DAG1: variants seen among roughly 807,000 people sequenced by gnomAD.
DAG1 encodes the protein dystroglycan 1.
A neutral mutation model predicts 46.1 loss-of-function variants in DAG1; 8 were observed. The ratio of observed to expected loss-of-function variants is 0.17; its 90% CI spans 0.10 to 0.31. The LOEUF (loss-of-function observed/expected upper bound fraction) is 0.31, where lower values mean the gene tolerates loss of function less well. DAG1 is among the 10% of genes least tolerant of loss of function. The pLI is 1.00. For missense variants in DAG1, 1,003 were observed against 1,189.9 expected (o/e 0.84, Z 2.31); for synonymous variants, 495 against 481.8 (o/e 1.03, Z -0.36).
rs2107967958 is a variant in DAG1 at position 49,534,064 on chromosome 3, CAGT to C, written c.*866_*868del. 1 of 152,636 alleles carries C rather than the reference CAGT, an allele frequency of 6.6e-6. No homozygotes were observed. Among genetic ancestry groups the C allele is most frequent in the Admixed American group, 6.5e-5 (1 of 15,314 alleles). The allele number at this position is 152,636 out of a possible 1,614,324, so 9.5% of individuals were successfully genotyped here. ...TCCATGAAAAAGGGACTCCAAGAGG[CAGT>C]GGTGGCTGTGGCCCCCAACTTTGGT... On this transcript the variant is annotated 3_prime_UTR_variant, in exon 3 of 3. Coordinates refer to ENST00000308775, the MANE Select transcript of DAG1 (RefSeq NM_004393.6).
chr3:49,487,879 T>C (rs2050080251), intron 1 of DAG1, among the ~76,000 whole-genome samples: 1 of 151,766 alleles, frequency 6.6e-6, no homozygotes, highest in Non-Finnish European at 1.5e-5. Context: ...ATTTTTTGTG[T>C]TTTTCATAGA....
At chr3:49,500,821 T>C (rs763837631) in intron 1 of DAG1, among the ~76,000 whole-genome samples, 4 of 152,146 alleles carry the variant, frequency 2.6e-5, no homozygotes, top group Admixed American at 6.5e-5. Flanking sequence ...GACTGAGTAT[T>C]TACCTCTGTT....
intron 1 of DAG1, among the ~76,000 whole-genome samples, chr3:49,508,009 C>G (rs899316204): frequency 6.6e-6 from 1 of 151,836 alleles, no homozygotes; most frequent in African/African-American, 2.4e-5. Context: ...GTGATATCTC[C>G]TGCTTCATTG....
chr3:49,476,274 G>A (rs2049680611), intron 1 of DAG1, among the ~76,000 whole-genome samples: 1 of 152,134 alleles, frequency 6.6e-6, no homozygotes, highest in Non-Finnish European at 1.5e-5. Flanking sequence ...TATCTTGCTT[G>A]TCATGAGATA....
At chr3:49,494,241 G>A (rs1468391787) in intron 1 of DAG1, among the ~76,000 whole-genome samples, 1 of 152,154 alleles carries the variant, frequency 6.6e-6, no homozygotes, top group Non-Finnish European at 1.5e-5. Flanking sequence ...AAACACTGAA[G>A]ATTGAAGCAT....
chr3:49,503,995 T>C (rs1209060106), intron 1 of DAG1, among the ~76,000 whole-genome samples: 3 of 152,188 alleles, frequency 2.0e-5, no homozygotes, highest in South Asian at 2.1e-4. Context: ...AGTTACCCAG[T>C]TCCCCCCATG....
intron 1 of DAG1, among the ~76,000 whole-genome samples, chr3:49,482,270 G>A (rs974242562): frequency 6.6e-6 from 1 of 152,160 alleles, no homozygotes; most frequent in Non-Finnish European, 1.5e-5. Flanking sequence ...GTGATAGTCT[G>A]AAATATAGCC....
At chr3:49,474,664 G>T (rs931750052) in intron 1 of DAG1, among the ~76,000 whole-genome samples, 2 of 151,964 alleles carry the variant, frequency 1.3e-5, no homozygotes, top group Non-Finnish European at 2.9e-5. Flanking sequence ...TGTATTTTTT[G>T]TAGAGGTGGG....
intron 2 of DAG1, among the ~76,000 whole-genome samples, chr3:49,523,216 A>C (rs529444491): frequency 6.6e-6 from 1 of 152,176 alleles, no homozygotes; most frequent in Non-Finnish European, 1.5e-5. Flanking sequence ...TCAAAATCCC[A>C]TGTGTAAATG....
chr3:49,472,057 T>C (rs1310338736), intron 1 of DAG1, among the ~76,000 whole-genome samples: 2 of 152,140 alleles, frequency 1.3e-5, no homozygotes, highest in Admixed American at 6.6e-5. Context: ...GTGCGAGCTC[T>C]GGGCCTGCCT....
At chr3:49,471,004 C>A (rs2049504166) in intron 1 of DAG1, 1 of 152,258 alleles carries the variant, frequency 6.6e-6, no homozygotes, top group South Asian at 2.1e-4. Context: ...AGTGTCTCCA[C>A]AGAAAATGTC....
chr3:49,531,235 A>G lies in DAG1; in HGVS notation c.724A>G (p.Met242Val). The G allele has an allele frequency of 6.2e-7, 1 of 1,614,168 alleles. No homozygotes were observed. The highest frequency in any genetic ancestry group is 8.5e-7 in the Non-Finnish European group (1 of 1,180,030). Reference sequence around the variant, plus strand: ...CAGACTATTTGACATGTCGGCCTTCATGGCTGGCCCGGGAAATGCAAAAAA... The same window carrying G: ...CAGACTATTTGACATGTCGGCCTTCGTGGCTGGCCCGGGAAATGCAAAAAA... ...NNRLFDMSAF[M>V]AGPGNAKKVV... The change falls in exon 3 of 3, where the codon ATG becomes GTG. Residue 242 changes from methionine (M) to valine (V), a missense_variant. Met to Val is a conservative substitution (Grantham distance 21). Transcript: ENST00000308775. The surrounding 1 kb of genome is among the most constrained non-coding windows in gnomAD (Gnocchi z 7.0).
At chr3:49,504,440 A>AT (rs1413423484) in intron 1 of DAG1, among the ~76,000 whole-genome samples, 4 of 151,426 alleles carry the variant, frequency 2.6e-5, no homozygotes, top group Admixed American at 2.6e-4. Context: ...TGAAAAGGCA[A>AT]TTTTTTCCCC....
chr3:49,501,356 A>C (rs1455555816), intron 1 of DAG1, among the ~76,000 whole-genome samples: 1 of 152,188 alleles, frequency 6.6e-6, no homozygotes, highest in African/African-American at 2.4e-5. Context: ...AACCTGAAAA[A>C]AAGGTCCTGT....
chr3:49,473,100 T>G (rs1045328968), intron 1 of DAG1, among the ~76,000 whole-genome samples: 8 of 137,016 alleles, frequency 5.8e-5, no homozygotes, highest in African/African-American at 2.2e-4. Flanking sequence ...CAAAACTCGG[T>G]CTCAAAAAAA....
intron 2 of DAG1, among the ~76,000 whole-genome samples, chr3:49,525,911 T>C (rs1403547067): frequency 6.7e-6 from 1 of 149,930 alleles, no homozygotes; most frequent in Non-Finnish European, 1.5e-5. Flanking sequence ...AGTGAAGTGG[T>C]GCAATCTCGG....
chr3:49,469,152 G>GCT (rs1305204862), upstream of DAG1: 4 of 152,318 alleles, frequency 2.6e-5, no homozygotes, highest in Admixed American at 6.5e-5. Context: ...GAGCCCCAGA[G>GCT]CTCTCCGGGA....
intron 1 of DAG1, among the ~76,000 whole-genome samples, chr3:49,480,400 C>T (rs1274696467): frequency 6.7e-6 from 1 of 150,208 alleles, no homozygotes; most frequent in Non-Finnish European, 1.5e-5. Context: ...CTCAGCCTCC[C>T]GAGTAGCTGG....
chr3:49,524,673 C>A (rs1383937359), intron 2 of DAG1, among the ~76,000 whole-genome samples: 1 of 151,700 alleles, frequency 6.6e-6, no homozygotes, highest in Non-Finnish European at 1.5e-5. Flanking sequence ...GTGAGTGAGA[C>A]CCTGGCTCAA....
Sources: allele counts gnomAD v4.1 joint callset (sites outside exome capture counted in the v4.1 genomes callset), GRCh38; gene constraint gnomAD v4.1.1; non-coding constraint Gnocchi (gnomAD v3.1); transcripts MANE v1.5; gene names NCBI Gene and HGNC (gene_info 2026-07-23, HGNC 2026-07-21).